The following SLC45A4 variants were observed in gnomAD, a reference collection of about 807,000 sequenced individuals.
SLC45A4 encodes the protein polyamine-transporter SLC45A4.
Under a neutral mutation model 63.7 loss-of-function variants are expected in SLC45A4, and 32 were observed. The observed-to-expected ratio is 0.50, with a 90% CI of 0.38 to 0.67. The LOEUF is 0.67. SLC45A4 is among the 30% of genes least tolerant of loss of function. The pLI is 0.00. For synonymous variants in SLC45A4, 535 were observed against 510.0 expected (o/e 1.05, Z -0.66); for missense variants, 1,027 against 1,157.7 (o/e 0.89, Z 1.64).
rs1825588594 is a variant in SLC45A4, at chr8:141,207,670, C to T, written c.*3902G>A. 6.6e-6 allele frequency: 1 copy of T among 152,234 alleles called. No individual in the cohort carries two copies. The highest frequency in any genetic ancestry group is 1.9e-4 in the East Asian group (1 of 5,198). 9.4% of individuals were successfully genotyped at this position (152,234 alleles called of 1,614,324 possible). The stretch of plus-strand genomic sequence containing the variant: ...TCTGTCACCAGGGGATGGTCTCAGT[C>T]CACGGCACAGAGCGACGTGCCCCTG... On this transcript the variant is annotated 3_prime_UTR_variant, in exon 9 of 9. Coordinates refer to ENST00000517878, the MANE Select transcript of SLC45A4 (RefSeq NM_001286646.2).
chr8:141,295,991 A>G (rs1830535701), intron 1 of SLC45A4, among the ~76,000 whole-genome samples: 1 of 152,204 alleles, frequency 6.6e-6, no homozygotes, highest in Admixed American at 6.5e-5. Flanking sequence ...CCCCTAGGAA[A>G]CAGGCTTCCA....
chr8:141,236,846 C>T (rs775793804), intron 2 of SLC45A4, among the ~76,000 whole-genome samples: 1 of 152,214 alleles, frequency 6.6e-6, no homozygotes, highest in Non-Finnish European at 1.5e-5. Flanking sequence ...CTGGGCGGTG[C>T]CCAGTGGATG....
At chr8:141,276,998 G>A (rs868064958) in intron 1 of SLC45A4, among the ~76,000 whole-genome samples, 20 of 152,366 alleles carry the variant, frequency 1.3e-4, no homozygotes, top group Middle Eastern at 3.4e-3. Flanking sequence ...AGCCAGCACA[G>A]GATGTCGCCT....
chr8:141,234,815 GC>G (rs965322446), intron 2 of SLC45A4, among the ~76,000 whole-genome samples: 1 of 152,140 alleles, frequency 6.6e-6, no homozygotes, highest in African/African-American at 2.4e-5. Flanking sequence ...TTCCGCTCTG[GC>G]CCCTCCCCCC....
At chr8:141,219,132 C>A in intron 4 of SLC45A4, 103 bp from the exon 5 acceptor site, 1 of 1,338,334 alleles carries the variant, frequency 7.5e-7, no homozygotes, top group Non-Finnish European at 1.0e-6. Context: ...GGGCTGCCCT[C>A]ATGATGGGAG....
At chr8:141,220,181 G>A (rs894272424) in intron 3 of SLC45A4, among the ~76,000 whole-genome samples, 1 of 152,210 alleles carries the variant, frequency 6.6e-6, no homozygotes, top group Non-Finnish European at 1.5e-5. Flanking sequence ...ATTCACTGTC[G>A]CTAAGAAGGC....
intron 4 of SLC45A4, among the ~76,000 whole-genome samples, 166 bp downstream of exon 4, chr8:141,219,484 G>A (rs1242556651): frequency 6.6e-6 from 1 of 151,980 alleles, no homozygotes; most frequent in African/African-American, 2.4e-5. Flanking sequence ...TGGTGGTCAG[G>A]AGGGGCTGCC....
In SLC45A4 at chr8:141,307,474, C is replaced by G. The variant is rs1830933060; in HGVS notation, c.-401+622G>C. ...GGGGGTCCGAGGCGGGGGACACTGG[C>G]TAGCAGTGCTGCCAGGGTCGTGTGT... On this transcript the variant is annotated intron_variant, in intron 1 of 8. Coordinates refer to ENST00000517878, the MANE Select transcript of SLC45A4 (RefSeq NM_001286646.2). Among the ~76,000 whole-genome samples the G allele has an allele frequency of 2.0e-5, 3 of 151,672 alleles. No individual in the cohort carries two copies. The South Asian group carries it at 6.2e-4, about 32-fold the overall frequency.
chr8:141,282,140 G>A (rs774797817), intron 1 of SLC45A4, among the ~76,000 whole-genome samples: 15 of 152,184 alleles, frequency 9.9e-5, no homozygotes, highest in South Asian at 2.1e-4. Context: ...AGGCAGGCCC[G>A]GGTCTCAGGA....
chr8:141,244,026 T>C lies in SLC45A4; in HGVS notation c.241+9963A>G, dbSNP rs57007503. On this transcript the variant is annotated intron_variant, in intron 2 of 8. Transcript: ENST00000517878. ...AGCTACACATGGATTTTTGACTGTA[T>C]GGGGAGTTGGCACCCCTAACCTGAG... Among the ~76,000 whole-genome samples the C allele has an allele frequency of 5.1e-3, 778 of 152,256 alleles. 8 individuals are homozygous for C. Among genetic ancestry groups the C allele is most frequent in the African/African-American group, 0.018 (756 of 41,546 alleles).
At chr8:141,287,050 G>A (rs1454153076) in intron 1 of SLC45A4, among the ~76,000 whole-genome samples, 1 of 152,102 alleles carries the variant, frequency 6.6e-6, no homozygotes, top group Non-Finnish European at 1.5e-5. Context: ...CCTTGAGGAA[G>A]TCGCCTGACC....
intron 1 of SLC45A4, among the ~76,000 whole-genome samples, chr8:141,255,910 C>A (rs1011685781): frequency 2.0e-5 from 3 of 152,078 alleles, no homozygotes; most frequent in Non-Finnish European, 2.9e-5. Context: ...AAATTATAGA[C>A]CTTTTCTCCA....
Position 141,254,615 on chromosome 8 carries a change from G to A in SLC45A4, c.-386C>T, listed in dbSNP as rs533695619. On this transcript the variant is annotated 5_prime_UTR_variant, in exon 2 of 9. Transcript: ENST00000517878. This position sits in a 1 kb window ranked among gnomAD's most constrained non-coding sequence, Gnocchi z 4.5. ...AGGTGGTCCGCTGGTAATCCCCATCGAGTGACTGGATGATCTGCAAAAGAG... is the reference window on the plus strand; with the variant it reads ...AGGTGGTCCGCTGGTAATCCCCATCAAGTGACTGGATGATCTGCAAAAGAG... The A allele has an allele frequency of 5.3e-4, 372 of 700,582 alleles. 6 individuals are homozygous for A. Among genetic ancestry groups the A allele is most frequent in the South Asian group, 5.0e-3 (338 of 67,396 alleles). 43.4% of individuals were successfully genotyped at this position (700,582 alleles called of 1,614,324 possible).
At chr8:141,223,851 G>A (rs1251554162) in intron 2 of SLC45A4, among the ~76,000 whole-genome samples, 1 of 152,208 alleles carries the variant, frequency 6.6e-6, no homozygotes. Flanking sequence ...CCCCAGTCTG[G>A]CACCAGATGG....
intron 2 of SLC45A4, among the ~76,000 whole-genome samples, chr8:141,247,922 G>A (rs934967329): frequency 2.0e-5 from 3 of 152,220 alleles, no homozygotes; most frequent in Admixed American, 6.5e-5. Context: ...TACAAGTGAT[G>A]CTGGAACAAC....
chr8:141,286,637 A>G (rs1462961260), intron 1 of SLC45A4, among the ~76,000 whole-genome samples: 1 of 151,472 alleles, frequency 6.6e-6, no homozygotes, highest in Non-Finnish European at 1.5e-5. Context: ...CCTGCCCCCC[A>G]GAAATGTGAC....
intron 1 of SLC45A4, among the ~76,000 whole-genome samples, chr8:141,275,796 G>C (rs1260699105): frequency 3.3e-5 from 5 of 152,124 alleles, no homozygotes; most frequent in African/African-American, 1.2e-4. Context: ...CTAAGTTTAA[G>C]CAGGTTAAAA....
intron 2 of SLC45A4, chr8:141,226,339 C>A (rs12544261): frequency 0.33 from 49,582 of 152,288 alleles, 8,308 homozygotes; most frequent in Non-Finnish European, 0.37. Context: ...GTGCGGCGAG[C>A]AGCACACGGG....
chr8:141,228,048 G>T, intron 2 of SLC45A4: 5 of 1,103,746 alleles, frequency 4.5e-6, no homozygotes, highest in South Asian at 1.4e-5. Context: ...TTTCTAGAGG[G>T]TGAGGCAGAG....
Sources: allele counts gnomAD v4.1 joint callset (sites outside exome capture counted in the v4.1 genomes callset), GRCh38; gene constraint gnomAD v4.1.1; non-coding constraint Gnocchi (gnomAD v3.1); transcripts MANE v1.5; gene names NCBI Gene and HGNC (gene_info 2026-07-23, HGNC 2026-07-21).